DCC: variants seen among roughly 807,000 people sequenced by gnomAD.
The protein encoded by DCC is netrin receptor DCC.
In DCC, 58 loss-of-function variants were observed where a neutral mutation model predicts 172.5. That is an observed-to-expected ratio of 0.34 (90% CI 0.27 to 0.42). The LOEUF (loss-of-function observed/expected upper bound fraction) is 0.42. Among genes scored for constraint, DCC ranks in the 10% least tolerant of loss-of-function variants. The pLI, the probability that DCC is intolerant of heterozygous loss-of-function variation, is 1.00. For missense variants in DCC, 1,740 were observed against 1,791.0 expected (o/e 0.97, Z 0.51); for synonymous variants, 709 against 644.5 (o/e 1.10, Z -1.52).
chr18:53,287,520 G>A (rs1401080616), intron 12 of DCC, among the ~76,000 whole-genome samples: 2 of 152,034 alleles, frequency 1.3e-5, no homozygotes, highest in African/African-American at 2.4e-5. Flanking sequence ...GGAACTGCTG[G>A]GTCATACTTA....
At chr18:52,768,072 C>G (rs1348493760) in intron 2 of DCC, among the ~76,000 whole-genome samples, 1 of 152,168 alleles carries the variant, frequency 6.6e-6, no homozygotes, top group African/African-American at 2.4e-5. Context: ...TTTTAATTTT[C>G]TTCTATGCCA....
intron 27 of DCC, among the ~76,000 whole-genome samples, chr18:53,509,326 G>A (rs1325764270): frequency 1.3e-5 from 2 of 152,224 alleles, no homozygotes; most frequent in Non-Finnish European, 2.9e-5. Flanking sequence ...TATGGGTAAT[G>A]TCCAAACATG....
At chr18:53,474,859 G>T (rs1275099537) in intron 25 of DCC, among the ~76,000 whole-genome samples, 1 of 152,246 alleles carries the variant, frequency 6.6e-6, no homozygotes, top group African/African-American at 2.4e-5. Context: ...GGACTCAGAA[G>T]AAAACAGGAA....
intron 5 of DCC, among the ~76,000 whole-genome samples, chr18:53,021,553 C>CAT (rs35988052): frequency 0.71 from 107,886 of 151,230 alleles, 38,542 homozygotes; most frequent in East Asian, 0.74. Context: ...TATAAACTTA[C>CAT]GTGTGTGTGT....
chr18:53,011,387 A>G (rs547890507), intron 5 of DCC, among the ~76,000 whole-genome samples: 1 of 151,690 alleles, frequency 6.6e-6, no homozygotes, highest in African/African-American at 2.4e-5. Context: ...CTTTGACTGT[A>G]TTTTCCTCCT....
At chr18:52,441,558 T>C (rs1321843843) in intron 1 of DCC, among the ~76,000 whole-genome samples, 1 of 152,188 alleles carries the variant, frequency 6.6e-6, no homozygotes, top group African/African-American at 2.4e-5. Flanking sequence ...TTTTCTCTCC[T>C]ATTCAAAGAG....
intron 5 of DCC, among the ~76,000 whole-genome samples, chr18:53,026,575 A>G (rs1020823524): frequency 2.0e-5 from 3 of 152,108 alleles, no homozygotes. Context: ...TTTATTTTAT[A>G]GACAGGGTAT....
chr18:53,087,243 C>T (rs1471801382), intron 7 of DCC, among the ~76,000 whole-genome samples: 2 of 151,818 alleles, frequency 1.3e-5, no homozygotes, highest in Admixed American at 1.3e-4. Flanking sequence ...TCCTATTTCT[C>T]CACATCCTCT....
chr18:53,090,544 A>G (rs1201830689), intron 7 of DCC, among the ~76,000 whole-genome samples: 1 of 151,300 alleles, frequency 6.6e-6, no homozygotes, highest in Non-Finnish European at 1.5e-5. Context: ...ATACAAAAAA[A>G]TTAGCCAGGT....
chr18:53,309,936 A>ATATACGTG (rs1555650592), intron 13 of DCC, among the ~76,000 whole-genome samples: 54 of 139,238 alleles, frequency 3.9e-4, no homozygotes, highest in African/African-American at 1.1e-3. Context: ...ATATATATAT[A>ATATACGTG]TATATATACA....
At chr18:52,883,393 A>T (rs1835714) in intron 2 of DCC, among the ~76,000 whole-genome samples, 13,232 of 76,922 alleles carry the variant, frequency 0.17, 948 homozygotes, top group African/African-American at 0.28. Context: ...TGTGTGTGTG[A>T]GATCTCTTTC....
chr18:53,198,237 TA>T (rs1378395813), intron 9 of DCC, among the ~76,000 whole-genome samples: 1 of 152,126 alleles, frequency 6.6e-6, no homozygotes, highest in Non-Finnish European at 1.5e-5. Context: ...GAAGCTCAGA[TA>T]CAATGATAGA....
intron 7 of DCC, among the ~76,000 whole-genome samples, chr18:53,116,658 T>C (rs181811222): frequency 9.9e-4 from 151 of 151,864 alleles, no homozygotes; most frequent in Non-Finnish European, 1.9e-3. Flanking sequence ...TCAGGAATTA[T>C]TAAAAATGAT....
At chr18:53,392,383 G>C (rs1339430327) in intron 17 of DCC, among the ~76,000 whole-genome samples, 1 of 151,966 alleles carries the variant, frequency 6.6e-6, no homozygotes, top group Admixed American at 6.6e-5. Flanking sequence ...ACTTCATTTA[G>C]CCTTGAAAAC....
chr18:53,454,309 T>C (rs2045456719), intron 23 of DCC, among the ~76,000 whole-genome samples: 1 of 152,206 alleles, frequency 6.6e-6, no homozygotes, highest in South Asian at 2.1e-4. Flanking sequence ...TGCATCACTG[T>C]ACTCCGGCCT....
At chr18:53,230,862 AT>A (rs568306410) in intron 12 of DCC, among the ~76,000 whole-genome samples, 1 of 151,876 alleles carries the variant, frequency 6.6e-6, no homozygotes, top group Non-Finnish European at 1.5e-5. Context: ...AAATTCAGTG[AT>A]TTTTTGGAAA....
In DCC at chr18:52,747,843, G is replaced by T. The variant is rs77082581; in HGVS notation, c.92-4211G>T. On this transcript the variant is annotated intron_variant, in intron 1 of 28. Coordinates refer to ENST00000442544, the MANE Select transcript of DCC (RefSeq NM_005215.4). Reference sequence around the variant, plus strand: ...TGATGTCAATGTAATGTATTCGTGGGACATTTCTTAGTCCTGTGTGCAATA... The same window carrying T: ...TGATGTCAATGTAATGTATTCGTGGTACATTTCTTAGTCCTGTGTGCAATA... Among the ~76,000 whole-genome samples, 261 of 152,314 alleles carry T rather than the reference G, an allele frequency of 1.7e-3. No homozygotes were observed. In the East Asian group the frequency reaches 0.021, roughly 12 times the overall value.
chr18:52,647,958 A>T (rs1184299234), intron 1 of DCC, among the ~76,000 whole-genome samples: 1 of 152,198 alleles, frequency 6.6e-6, no homozygotes, highest in Non-Finnish European at 1.5e-5. Context: ...TGATAAAGAG[A>T]GAATTGATTT....
At chr18:53,444,476 G>A (rs1239714218) in intron 22 of DCC, among the ~76,000 whole-genome samples, 1 of 152,146 alleles carries the variant, frequency 6.6e-6, no homozygotes, top group African/African-American at 2.4e-5. Flanking sequence ...TTCAGCCTGA[G>A]TGACAGAACG....
Sources: allele counts gnomAD v4.1 joint callset (sites outside exome capture counted in the v4.1 genomes callset), GRCh38; gene constraint gnomAD v4.1.1; transcripts MANE v1.5; gene names NCBI Gene and HGNC (gene_info 2026-07-23, HGNC 2026-07-21).